Variants in PTPRT observed in about 807,000 individuals in gnomAD.
PTPRT encodes the protein protein tyrosine phosphatase receptor type T, also known as receptor-type tyrosine-protein phosphatase T.
A neutral mutation model predicts 176.8 loss-of-function variants in PTPRT; 56 were observed. That is an observed-to-expected ratio of 0.32 (90% CI 0.26 to 0.40). The LOEUF (loss-of-function observed/expected upper bound fraction) is 0.40, where lower values mean the gene tolerates loss of function less well. Among genes scored for constraint, PTPRT ranks in the 10% least tolerant of loss-of-function variants. The pLI is 1.00. For synonymous variants in PTPRT, 783 were observed against 739.0 expected, an observed-to-expected ratio of 1.06 and a Z score of -0.96; for missense variants, 1,540 against 1,908.2, an observed-to-expected ratio of 0.81 and a Z score of 3.60.
chr20:43,000,547 T>C (rs1568726600), intron 1 of PTPRT, among the ~76,000 whole-genome samples: 1 of 151,838 alleles, frequency 6.6e-6, no homozygotes, highest in African/African-American at 2.4e-5. Context: ...TAAAGTGACA[T>C]GATAGAGCTA....
intron 1 of PTPRT, among the ~76,000 whole-genome samples, chr20:43,005,198 T>C (rs990184366): frequency 3.3e-5 from 5 of 152,148 alleles, no homozygotes; most frequent in African/African-American, 9.7e-5. Flanking sequence ...CATTGGTTTC[T>C]TACTGCTGTA....
At chr20:42,445,467 T>C (rs947133471) in intron 9 of PTPRT, among the ~76,000 whole-genome samples, 8 of 152,302 alleles carry the variant, frequency 5.3e-5, no homozygotes, top group South Asian at 2.1e-4. Flanking sequence ...CTAGGCTATA[T>C]AGGCTCAAAT....
At chr20:43,041,864 G>A (rs1986620221) in intron 1 of PTPRT, among the ~76,000 whole-genome samples, 1 of 152,190 alleles carries the variant, frequency 6.6e-6, no homozygotes, top group African/African-American at 2.4e-5. Flanking sequence ...GAGTACATGA[G>A]GCAGAAATAT....
At chr20:43,167,007 G>C (rs1036121595) in intron 1 of PTPRT, among the ~76,000 whole-genome samples, 4 of 152,118 alleles carry the variant, frequency 2.6e-5, no homozygotes, top group African/African-American at 9.7e-5. Flanking sequence ...TTGGTTCATA[G>C]ACTGTGCCTG....
intron 1 of PTPRT, among the ~76,000 whole-genome samples, chr20:43,111,909 T>C (rs2012882724): frequency 6.6e-6 from 1 of 152,154 alleles, no homozygotes; most frequent in Non-Finnish European, 1.5e-5. Flanking sequence ...GTTTAAAAAT[T>C]GAAAGCCCAT....
intron 7 of PTPRT, among the ~76,000 whole-genome samples, chr20:42,635,704 C>T (rs1285532436): frequency 6.6e-6 from 1 of 152,088 alleles, no homozygotes; most frequent in Non-Finnish European, 1.5e-5. Context: ...TTTGTGGCAT[C>T]TCTTTTTTGA....
intron 1 of PTPRT, among the ~76,000 whole-genome samples, chr20:42,897,731 TTTAC>T (rs2079328564): frequency 6.6e-6 from 1 of 152,178 alleles, no homozygotes; most frequent in Non-Finnish European, 1.5e-5. Flanking sequence ...GCTATTTTTT[TTTAC>T]TTAGTTATAT....
intron 14 of PTPRT, among the ~76,000 whole-genome samples, chr20:42,246,369 T>C (rs546005567): frequency 2.6e-5 from 4 of 152,224 alleles, no homozygotes; most frequent in Admixed American, 6.5e-5. Flanking sequence ...CAAAATGTCT[T>C]ATTTTCTTCA....
intron 7 of PTPRT, among the ~76,000 whole-genome samples, chr20:42,602,347 A>T (rs2073796828): frequency 6.6e-6 from 1 of 152,186 alleles, no homozygotes; most frequent in Non-Finnish European, 1.5e-5. Context: ...ATGCTACTAG[A>T]TTGTTCTTAG....
chr20:42,438,826 C>A (rs531088565), intron 9 of PTPRT, among the ~76,000 whole-genome samples: 5 of 152,316 alleles, frequency 3.3e-5, no homozygotes, highest in African/African-American at 9.6e-5. Flanking sequence ...TTGATTTCCA[C>A]TGTCAAGTTA....
At chr20:42,432,925 G>T (rs6030231) in intron 9 of PTPRT, among the ~76,000 whole-genome samples, 1 of 152,234 alleles carries the variant, frequency 6.6e-6, no homozygotes, top group East Asian at 1.9e-4. Context: ...CACTTTCTCA[G>T]GATCTCTTGA....
chr20:42,113,784 C>T (rs1309417689), intron 22 of PTPRT, among the ~76,000 whole-genome samples: 1 of 152,220 alleles, frequency 6.6e-6, no homozygotes, highest in Non-Finnish European at 1.5e-5. Context: ...GGCTCTGCTT[C>T]TAAAAAACCT....
chr20:43,158,852 T>C (rs2014603761), intron 1 of PTPRT, among the ~76,000 whole-genome samples: 1 of 152,226 alleles, frequency 6.6e-6, no homozygotes, highest in Non-Finnish European at 1.5e-5. Context: ...ACTCAAACTC[T>C]CTGTGCTCAG....
chr20:42,604,813 C>T (rs762565490), intron 7 of PTPRT, among the ~76,000 whole-genome samples: 1 of 152,218 alleles, frequency 6.6e-6, no homozygotes, highest in African/African-American at 2.4e-5. Context: ...CTTTGCCTGG[C>T]ATGGCCTGCA....
chr20:42,627,740 T>C (rs954809074), intron 7 of PTPRT, among the ~76,000 whole-genome samples: 39 of 152,132 alleles, frequency 2.6e-4, no homozygotes, highest in African/African-American at 9.2e-4. Context: ...AGTAGTTTTA[T>C]TTCCTGTCTT....
At chr20:43,163,006 T>C (rs1185388386) in intron 1 of PTPRT, among the ~76,000 whole-genome samples, 2 of 152,232 alleles carry the variant, frequency 1.3e-5, no homozygotes, top group Admixed American at 1.3e-4. Flanking sequence ...TATCCCTTGC[T>C]GGTGAATCCA....
intron 16 of PTPRT, among the ~76,000 whole-genome samples, chr20:42,187,680 A>G (rs1990835541): frequency 6.6e-6 from 1 of 152,226 alleles, no homozygotes; most frequent in African/African-American, 2.4e-5. Context: ...ATCACAATCC[A>G]GCTGAGTAGA....
intron 1 of PTPRT, among the ~76,000 whole-genome samples, chr20:43,067,522 T>G (rs1025987364): frequency 1.3e-5 from 2 of 152,164 alleles, no homozygotes; most frequent in African/African-American, 4.8e-5. Context: ...TGTAATTTTT[T>G]AAAAGAAAGG....
intron 16 of PTPRT, among the ~76,000 whole-genome samples, chr20:42,175,668 A>C (rs1397383106): frequency 7.2e-6 from 1 of 138,662 alleles, no homozygotes; most frequent in Non-Finnish European, 1.6e-5. Context: ...TTTTGCAAGT[A>C]AATTTTATCT....
Sources: gnomAD v4.1 joint callset for allele counts (sites outside exome capture counted in the v4.1 genomes callset) on GRCh38, gnomAD v4.1.1 for gene constraint, MANE v1.5 for transcripts, NCBI Gene and HGNC (gene_info 2026-07-23, HGNC 2026-07-21) for gene names.